The following CD96 variants were observed in gnomAD, a reference collection of about 807,000 sequenced individuals.
The protein encoded by CD96 is CD96 molecule, also known as T-cell surface protein tactile.
A neutral mutation model predicts 71.3 loss-of-function variants in CD96; 70 were observed. The ratio of observed to expected loss-of-function variants is 0.98; its 90% CI spans 0.81 to 1.20. The LOEUF is 1.20. Ranked by LOEUF, CD96 falls within the 50% of genes most tolerant of loss-of-function variation. The pLI, the probability that CD96 is intolerant of heterozygous loss-of-function variation, is 0.00. For synonymous variants in CD96, 248 were observed against 233.0 expected (o/e 1.06, Z -0.59); for missense variants, 742 against 677.5 (o/e 1.10, Z -1.06).
At chr3:111,574,544 G>A (rs1936135732) in intron 3 of CD96, among the ~76,000 whole-genome samples, 1 of 152,062 alleles carries the variant, frequency 6.6e-6, no homozygotes, top group Non-Finnish European at 1.5e-5. Context: ...ACTTATTTTA[G>A]GATTTGTCAA....
chr3:111,579,828 C>G (rs571548590), intron 4 of CD96, among the ~76,000 whole-genome samples: 2 of 152,270 alleles, frequency 1.3e-5, no homozygotes, highest in East Asian at 3.9e-4. Context: ...GGCCCCAGCT[C>G]TCAATACTGC....
At position 111,542,260 on chromosome 3, in the gene CD96, A is replaced by C; in HGVS notation, c.12A>C (p.Lys4Asn). 1 of 1,613,512 alleles carries C rather than the reference A, an allele frequency of 6.2e-7. No homozygotes were observed. The highest frequency in any genetic ancestry group is 8.5e-7 in the Non-Finnish European group (1 of 1,179,440). The change falls in exon 1 of 14, where the codon AAA (lysine) becomes AAC (asparagine). Residue 4 changes from lysine to asparagine, a missense_variant. Coordinates refer to ENST00000352690, the MANE Select transcript of CD96 (RefSeq NM_005816.5). ...GTGTTCAGAAGACAATGGAGAAAAAATGGAAATACTGTGCTGTCTATTACA... is the reference window on the plus strand; with the variant it reads ...GTGTTCAGAAGACAATGGAGAAAAACTGGAAATACTGTGCTGTCTATTACA... MEKKWKYCAVYYII... is the reference protein window; with the variant it reads MEKNWKYCAVYYII...
At chr3:111,665,311 T>G (rs1006794583) in intron 14 of CD96, among the ~76,000 whole-genome samples, 3 of 152,126 alleles carry the variant, frequency 2.0e-5, no homozygotes, top group Non-Finnish European at 4.4e-5. Flanking sequence ...TAATGAAAGA[T>G]TCTTAATTTG....
chr3:111,617,605 T>TCCCAA (rs1337934199), intron 8 of CD96, among the ~76,000 whole-genome samples: 2 of 152,094 alleles, frequency 1.3e-5, no homozygotes, highest in East Asian at 3.9e-4. Context: ...TGGACACTCA[T>TCCCAA]TGGGACAGCC....
chr3:111,611,279 A>G (rs1937917193), intron 8 of CD96, among the ~76,000 whole-genome samples: 1 of 152,190 alleles, frequency 6.6e-6, no homozygotes, highest in African/African-American at 2.4e-5. Context: ...CGGCAAGTGG[A>G]TGATCAGACA....
chr3:111,587,993 C>T (rs115069550), intron 5 of CD96, among the ~76,000 whole-genome samples: 1 of 152,170 alleles, frequency 6.6e-6, no homozygotes, highest in Admixed American at 6.5e-5. Flanking sequence ...CTCCAACATG[C>T]CCTGGAAACA....
rs751482008 is a variant in CD96 at position 111,579,189 on chromosome 3, G to A, written c.706G>A (p.Gly236Ser). 21 of 1,611,748 alleles carry A rather than the reference G, an allele frequency of 1.3e-5. No individual in the cohort carries two copies. The highest frequency in any genetic ancestry group is 3.3e-5 in the Admixed American group (2 of 60,018). ...GRKFSCHIRVGPNKILRSSTT... is the reference protein window; with the variant it reads ...GRKFSCHIRVSPNKILRSSTT... The stretch of plus-strand genomic sequence containing the variant: ...GAAGTTCTCTTGCCACATTAGAGTC[G>A]GTCCTAACAAAATCTTGAGGAGCTC... The change falls in exon 4 of 14, where the codon GGT becomes AGT. Residue 236 changes from glycine to serine, a missense_variant. Coordinates refer to ENST00000352690, the MANE Select transcript of CD96 (RefSeq NM_005816.5).
intron 4 of CD96, among the ~76,000 whole-genome samples, chr3:111,582,763 T>C (rs1364831719): frequency 1.3e-5 from 2 of 152,170 alleles, no homozygotes; most frequent in East Asian, 3.9e-4. Flanking sequence ...ACCCATTAGA[T>C]CTCATGAGAC....
intron 8 of CD96, among the ~76,000 whole-genome samples, chr3:111,615,057 C>A (rs1255760164): frequency 1.3e-5 from 2 of 152,216 alleles, no homozygotes; most frequent in African/African-American, 4.8e-5. Context: ...TGGGCTAGAA[C>A]CCTGCTTTCA....
chr3:111,663,962 G>A (rs1426441634), intron 14 of CD96, among the ~76,000 whole-genome samples: 1 of 152,096 alleles, frequency 6.6e-6, no homozygotes, highest in Non-Finnish European at 1.5e-5. Flanking sequence ...ATGTTAGCCA[G>A]GATGCTCTCG....
intron 13 of CD96, among the ~76,000 whole-genome samples, chr3:111,648,233 T>C (rs1038758579): frequency 6.6e-6 from 1 of 152,222 alleles, no homozygotes; most frequent in Non-Finnish European, 1.5e-5. Flanking sequence ...AAATGGTACA[T>C]AAGGTTAAGC....
chr3:111,629,003 C>T (rs1938924871), intron 10 of CD96, among the ~76,000 whole-genome samples: 1 of 152,114 alleles, frequency 6.6e-6, no homozygotes, highest in South Asian at 2.1e-4. Context: ...TAGAAGAGGT[C>T]CTGAAGGAAG....
At chr3:111,649,074 G>A (rs992964458) in intron 13 of CD96, among the ~76,000 whole-genome samples, 5 of 152,178 alleles carry the variant, frequency 3.3e-5, no homozygotes, top group Admixed American at 2.0e-4. Context: ...CCCTATCCCC[G>A]CAGTACATAG....
At chr3:111,624,440 A>C in intron 10 of CD96, 36 bp downstream of exon 10, 2 of 1,161,918 alleles carry the variant, frequency 1.7e-6, no homozygotes, top group Non-Finnish European at 2.6e-6. Flanking sequence ...AGTCCTCTGG[A>C]CTTCAGTCAT....
At chr3:111,557,119 G>A (rs1935102141) in intron 2 of CD96, among the ~76,000 whole-genome samples, 2 of 109,680 alleles carry the variant, frequency 1.8e-5, no homozygotes, top group Non-Finnish European at 3.5e-5. Context: ...TTTGTCAGAT[G>A]AGTAGGTTGC....
rs1940007127 is a variant in CD96 at position 111,650,013 on chromosome 3, T to C, written c.*207T>C. 1.7e-6 allele frequency: 1 copy of C among 594,538 alleles called. No individual in the cohort carries two copies. The highest frequency in any genetic ancestry group is 1.8e-5 in the South Asian group (1 of 54,532). The allele number at this position is 594,538 out of a possible 1,614,324, so 36.8% of individuals were successfully genotyped here. A position where few individuals can be genotyped will look rare whatever the true frequency, so the allele number is the denominator to read the frequency against. On this transcript the variant is annotated 3_prime_UTR_variant, in exon 14 of 14. Coordinates refer to ENST00000352690, the MANE Select transcript of CD96 (RefSeq NM_005816.5). ...TAACCAAGAGTGAGAGGATATGTCA[T>C]GTTCACACTCAATGCAATTCGTAGT...
At chr3:111,595,092 C>G (rs1937192058) in intron 5 of CD96, 1 of 166,972 alleles carries the variant, frequency 6.0e-6, no homozygotes. Flanking sequence ...CCAATAAGAC[C>G]TTCCTGAGGC....
chr3:111,612,540 A>T (rs1938003886), intron 8 of CD96, among the ~76,000 whole-genome samples: 1 of 152,222 alleles, frequency 6.6e-6, no homozygotes. Context: ...TCCTCCCAAC[A>T]ACACAATTAC....
chr3:111,656,001 T>G (rs76292480), downstream of CD96, among the ~76,000 whole-genome samples: 321 of 151,872 alleles, frequency 2.1e-3, 10 homozygotes, highest in East Asian at 0.056. Context: ...ATGGATAAAT[T>G]TAGCTACTTA....
Sources: gnomAD v4.1 joint callset for allele counts (sites outside exome capture counted in the v4.1 genomes callset) on GRCh38, gnomAD v4.1.1 for gene constraint, MANE v1.5 for transcripts, NCBI Gene and HGNC (gene_info 2026-07-23, HGNC 2026-07-21) for gene names.